BBOX1: variants seen among roughly 807,000 people sequenced by gnomAD.
BBOX1 encodes gamma-butyrobetaine hydroxylase 1, also known as gamma-butyrobetaine dioxygenase.
BBOX1 carries 35 observed loss-of-function variants against 41.6 expected under a neutral mutation model. The observed-to-expected ratio is 0.84, with a 90% CI of 0.64 to 1.11. BBOX1 has a LOEUF of 1.11. Ranked by LOEUF, BBOX1 falls within the 50% of genes most tolerant of loss-of-function variation. The pLI is 0.00. For synonymous variants in BBOX1, 163 were observed against 154.7 expected (o/e 1.05, Z -0.40); for missense variants, 458 against 460.6 (o/e 0.99, Z 0.05).
chr11:27,078,134 T>C (rs1857699655), intron 4 of BBOX1, among the ~76,000 whole-genome samples: 1 of 152,078 alleles, frequency 6.6e-6, no homozygotes, highest in Non-Finnish European at 1.5e-5. Flanking sequence ...ACCTAGCCAT[T>C]CTACAAGATT....
chr11:27,072,267 T>C (rs1295774848), intron 4 of BBOX1, among the ~76,000 whole-genome samples: 1 of 152,154 alleles, frequency 6.6e-6, no homozygotes, highest in Non-Finnish European at 1.5e-5. Context: ...AGCATTCTTA[T>C]ACACTAATAA....
chr11:27,115,476 A>T lies in BBOX1; in HGVS notation c.558A>T (p.Lys186Asn). The T allele has an allele frequency of 1.9e-6, 3 of 1,610,438 alleles. No homozygotes were observed. Among genetic ancestry groups the T allele is most frequent in the Non-Finnish European group, 2.5e-6 (3 of 1,177,840 alleles). The change falls in exon 6 of 9, where the codon AAA becomes AAT. Residue 186 changes from lysine (K) to asparagine (N), a missense_variant. By Grantham distance (94) the Lys-to-Asn change is moderately conservative. Coordinates refer to ENST00000263182, the MANE Select transcript of BBOX1 (RefSeq NM_003986.3). ...GACATACTTGGCAAGTGCAAGACAA[A>T]ATCGATGCAAACAATGTGGCTTACA... The part of the protein sequence containing the change: ...FYGHTWQVQD[K>N]IDANNVAYTT...
At chr11:27,109,405 T>C (rs981683078) in intron 5 of BBOX1, among the ~76,000 whole-genome samples, 6 of 152,052 alleles carry the variant, frequency 3.9e-5, no homozygotes, top group African/African-American at 1.4e-4. Context: ...CAAGATTATA[T>C]AGTTATGAAT....
chr11:27,087,677 T>G (rs190186823), intron 4 of BBOX1, among the ~76,000 whole-genome samples: 1 of 152,026 alleles, frequency 6.6e-6, no homozygotes, highest in Non-Finnish European at 1.5e-5. Flanking sequence ...CAGGCCACTA[T>G]GAAGAATTTG....
chr11:27,084,423 T>G (rs529033547), intron 4 of BBOX1, among the ~76,000 whole-genome samples: 1 of 152,066 alleles, frequency 6.6e-6, no homozygotes, highest in African/African-American at 2.4e-5. Flanking sequence ...TTGAAAGACA[T>G]GTAGAATTCT....
At chr11:27,081,707 T>C (rs1252873460) in intron 4 of BBOX1, among the ~76,000 whole-genome samples, 2 of 152,168 alleles carry the variant, frequency 1.3e-5, no homozygotes, top group Non-Finnish European at 2.9e-5. Flanking sequence ...CCACATCCTC[T>C]CTAGCATCTG....
At chr11:27,054,511 C>G (rs1341654253) in intron 2 of BBOX1, among the ~76,000 whole-genome samples, 1 of 152,150 alleles carries the variant, frequency 6.6e-6, no homozygotes, top group Non-Finnish European at 1.5e-5. Context: ...CTAATGGAAT[C>G]AGGATCAACA....
In BBOX1 at chr11:27,115,540, C is replaced by G. The variant is rs1859229615; in HGVS notation, c.622C>G (p.Leu208Val). 1.2e-6 allele frequency: 2 copies of G among 1,609,916 alleles called. 1 individual carries two copies. The highest frequency in any genetic ancestry group is 2.7e-5 in the African/African-American group (2 of 74,588). ...KLSFHTDYPA[L>V]HHPPGVQLLH... Reference sequence around the variant, plus strand: ...AAGCTTTCACACTGATTATCCAGCCCTCCATCATCCACCTGGGGTAAGTGA... The same window carrying G: ...AAGCTTTCACACTGATTATCCAGCCGTCCATCATCCACCTGGGGTAAGTGA... Residue 208 changes from leucine to valine, a missense_variant, in exon 6 of 9, where the codon CTC becomes GTC. Coordinates refer to ENST00000263182, the MANE Select transcript of BBOX1 (RefSeq NM_003986.3).
chr11:27,095,422 G>A (rs1858406167), intron 5 of BBOX1, among the ~76,000 whole-genome samples: 1 of 151,862 alleles, frequency 6.6e-6, no homozygotes, highest in Non-Finnish European at 1.5e-5. Context: ...TAATAATTTG[G>A]CCACTGATCT....
intron 4 of BBOX1, among the ~76,000 whole-genome samples, chr11:27,074,708 G>T (rs933466593): frequency 1.3e-5 from 2 of 152,190 alleles, no homozygotes. Context: ...TCATATGTGT[G>T]AACAAAGAGA....
At chr11:27,054,739 C>T (rs1254668042) in intron 2 of BBOX1, among the ~76,000 whole-genome samples, 1 of 152,142 alleles carries the variant, frequency 6.6e-6, no homozygotes, top group Non-Finnish European at 1.5e-5. Context: ...CAAAAAATCT[C>T]AACAAACCAA....
intron 4 of BBOX1, among the ~76,000 whole-genome samples, chr11:27,060,046 G>T (rs969847762): frequency 2.0e-5 from 3 of 152,148 alleles, no homozygotes; most frequent in African/African-American, 7.2e-5. Context: ...AGAAGTACAT[G>T]AGATTTGGGG....
chr11:27,099,823 T>C (rs773329126), intron 5 of BBOX1, among the ~76,000 whole-genome samples: 3 of 152,152 alleles, frequency 2.0e-5, no homozygotes, highest in Non-Finnish European at 2.9e-5. Flanking sequence ...TTTGAGGTCC[T>C]TGGGTGAAAG....
At chr11:27,095,512 C>T (rs965480669) in intron 5 of BBOX1, among the ~76,000 whole-genome samples, 2 of 151,928 alleles carry the variant, frequency 1.3e-5, no homozygotes, top group Admixed American at 6.6e-5. Context: ...TTCCATGTCC[C>T]TTATGGGCCT....
At chr11:27,066,682 A>AG in intron 4 of BBOX1, 2 of 136,230 alleles carry the variant, frequency 1.5e-5, no homozygotes, top group Middle Eastern at 7.0e-3. Flanking sequence ...AAAAAAAAAA[A>AG]AAAAAAGAAA....
intron 5 of BBOX1, among the ~76,000 whole-genome samples, chr11:27,100,312 T>G (rs1221425558): frequency 6.6e-6 from 1 of 152,130 alleles, no homozygotes; most frequent in Non-Finnish European, 1.5e-5. Context: ...TTTGTTGATG[T>G]TTCTAATTAG....
At position 27,115,526 on chromosome 11, in the gene BBOX1, C is replaced by A. The variant is rs373922392; in HGVS notation, c.608C>A (p.Thr203Asn). The A allele has an allele frequency of 6.2e-7, 1 of 1,611,032 alleles. No individual in the cohort carries two copies. The highest frequency in any genetic ancestry group is 8.5e-7 in the Non-Finnish European group (1 of 1,178,108). ...ACAACTGGGAAGCTAAGCTTTCACA[C>A]TGATTATCCAGCCCTCCATCATCCA... ...AYTTGKLSFH[T>N]DYPALHHPPG... is the part of the protein sequence containing the mutation. Residue 203 changes from threonine (T) to asparagine (N), a missense_variant, in exon 6 of 9, where the codon ACT becomes AAT. Coordinates refer to ENST00000263182, the MANE Select transcript of BBOX1 (RefSeq NM_003986.3).
At chr11:27,073,899 A>T (rs1857547901) in intron 4 of BBOX1, among the ~76,000 whole-genome samples, 1 of 151,282 alleles carries the variant, frequency 6.6e-6, no homozygotes, top group Admixed American at 6.6e-5. Context: ...AACATCACAC[A>T]CTGGGGCCTG....
At chr11:27,110,463 G>C (rs72878478) in intron 5 of BBOX1, among the ~76,000 whole-genome samples, 7,792 of 151,988 alleles carry the variant, frequency 0.051, 312 homozygotes, top group South Asian at 0.19. Flanking sequence ...TGGTGGCTCT[G>C]TCCCAACCAT....
Sources: allele counts gnomAD v4.1 joint callset (sites outside exome capture counted in the v4.1 genomes callset), GRCh38; gene constraint gnomAD v4.1.1; transcripts MANE v1.5; gene names NCBI Gene and HGNC (gene_info 2026-07-23, HGNC 2026-07-21).